PRKX: variants seen among roughly 807,000 people sequenced by gnomAD.
The protein encoded by PRKX is cAMP-dependent protein kinase catalytic subunit PRKX.
Under a neutral mutation model 22.0 loss-of-function variants are expected in PRKX, and 12 were observed. That is an observed-to-expected ratio of 0.54 (90% CI 0.35 to 0.88). The LOEUF (loss-of-function observed/expected upper bound fraction) is 0.88, where lower values mean the gene tolerates loss of function less well. Among genes scored for constraint, PRKX ranks in the 40% least tolerant of loss-of-function variants. The probability of loss-of-function intolerance (pLI) is 0.01; values close to 1 mark genes in which losing one functional copy is unlikely to be tolerated. For synonymous variants in PRKX, 134 were observed against 137.7 expected (o/e 0.97, Z 0.19); for missense variants, 217 against 308.0 (o/e 0.70, Z 2.21).
intron 1 of PRKX, among the ~76,000 whole-genome samples, chrX:3,704,448 C>A (rs1928642539): frequency 9.0e-6 from 1 of 111,315 alleles, no homozygotes; most frequent in African/African-American, 3.3e-5. Flanking sequence ...GAGGATCACT[C>A]GAGGCCAAGA....
chrX:3,702,887 G>C (rs1231482672), intron 1 of PRKX, among the ~76,000 whole-genome samples: 1 of 109,577 alleles, frequency 9.1e-6, no homozygotes, highest in Non-Finnish European at 1.9e-5. Flanking sequence ...GTAGCAGTGG[G>C]GTCTTCTTAT....
At chrX:3,712,973 G>A (rs1017299332) in intron 1 of PRKX, 115 bp downstream of exon 1, 5 of 887,940 alleles carry the variant, frequency 5.6e-6, no homozygotes, top group Non-Finnish European at 7.3e-6. Flanking sequence ...CCGAGCCGAA[G>A]TAGCGGGTCA....
chrX:3,635,112 C>G (rs1192997347), intron 4 of PRKX, among the ~76,000 whole-genome samples: 2 of 111,672 alleles, frequency 1.8e-5, no homozygotes, highest in Non-Finnish European at 3.8e-5. Flanking sequence ...TTTATGTATT[C>G]TGTTGGTTTA....
At chrX:3,609,492 T>C (rs1369010806) in intron 8 of PRKX, among the ~76,000 whole-genome samples, 1 of 110,811 alleles carries the variant, frequency 9.0e-6, no homozygotes, top group Non-Finnish European at 1.9e-5. Context: ...GGTCTAACTC[T>C]GCCATCCAGG....
chrX:3,679,073 T>C (rs1048306790), intron 1 of PRKX, among the ~76,000 whole-genome samples: 1 of 111,463 alleles, frequency 9.0e-6, no homozygotes, highest in African/African-American at 3.3e-5. Flanking sequence ...TCTTTTCTTT[T>C]AATTTTAGAT....
intron 2 of PRKX, among the ~76,000 whole-genome samples, chrX:3,669,046 G>A (rs1478006879): frequency 4.5e-5 from 5 of 111,819 alleles, no homozygotes; most frequent in Non-Finnish European, 9.4e-5. Flanking sequence ...CGGTTCCACC[G>A]CAGAGAATCC....
chrX:3,643,567 G>C (rs1283569808), intron 3 of PRKX, among the ~76,000 whole-genome samples: 1 of 110,664 alleles, frequency 9.0e-6, no homozygotes, highest in Middle Eastern at 4.6e-3. Context: ...GCACAAATGC[G>C]GGCCACATCC....
At chrX:3,656,276 A>G (rs1927479446) in intron 2 of PRKX, among the ~76,000 whole-genome samples, 1 of 111,509 alleles carries the variant, frequency 9.0e-6, no homozygotes, top group African/African-American at 3.3e-5. Flanking sequence ...ATGGGTGTAG[A>G]GAGATGTTAA....
At chrX:3,609,304 G>A (rs1935908816) in intron 8 of PRKX, among the ~76,000 whole-genome samples, 1 of 111,119 alleles carries the variant, frequency 9.0e-6, no homozygotes, top group African/African-American at 3.3e-5. Flanking sequence ...GGGGTTACAG[G>A]TGCCCGCCAC....
At chrX:3,675,053 T>C (rs1422496745) in intron 1 of PRKX, among the ~76,000 whole-genome samples, 10 of 111,723 alleles carry the variant, frequency 9.0e-5, no homozygotes, top group Non-Finnish European at 1.7e-4. Context: ...GGGGACAAAC[T>C]GGCCATAATT....
chrX:3,668,961 G>A (rs55921034), intron 2 of PRKX, among the ~76,000 whole-genome samples: 20,705 of 112,144 alleles, frequency 0.18, 2,500 homozygotes, highest in African/African-American at 0.45. Context: ...TGGCTGTCAC[G>A]CTGGAGTGGG....
Position 3,646,774 on chromosome X carries a change from G to C in PRKX, c.600-4803C>G, listed in dbSNP as rs751474765. ...ACAAACAGTTGAGAATTTCAGGCCC[G>C]TGAAGGGAGAAGGTGTGTGTTTGCG... On this transcript the variant is annotated intron_variant, in intron 3 of 8. Coordinates refer to ENST00000262848, the MANE Select transcript of PRKX (RefSeq NM_005044.5). 4.5e-5 allele frequency among the ~76,000 whole-genome samples: 5 copies of C among 110,488 alleles called. No individual in the cohort carries two copies. In the South Asian group the frequency reaches 2.0e-3, roughly 43 times the overall value.
chrX:3,663,868 G>T (rs1927664566), intron 2 of PRKX, among the ~76,000 whole-genome samples: 1 of 110,954 alleles, frequency 9.0e-6, no homozygotes, highest in South Asian at 3.8e-4. Flanking sequence ...TGGTCAAGTG[G>T]GCGCACACAT....
In PRKX at chrX:3,642,822, A is replaced by G. The variant is rs182623597; in HGVS notation, c.600-851T>C. 6.3e-3 allele frequency among the ~76,000 whole-genome samples: 680 copies of G among 107,833 alleles called. 7 individuals carry two copies. Among genetic ancestry groups the G allele is most frequent in the African/African-American group, 0.022 (649 of 29,524 alleles). 93.6% of individuals were successfully genotyped at this position (107,833 alleles called of 115,157 possible). On this transcript the variant is annotated intron_variant, in intron 3 of 8. Coordinates refer to ENST00000262848, the MANE Select transcript of PRKX (RefSeq NM_005044.5). ...AAGACCAGCCTGGCCAACATGGTGA[A>G]ACCCCATCTCTACTAAAAATACAAA...
At chrX:3,613,874 A>AAAAAAAAAAAAAAAAAAAAAAAAAC in intron 7 of PRKX, among the ~76,000 whole-genome samples, 1 of 91,147 alleles carries the variant, frequency 1.1e-5, no homozygotes. Context: ...AAAAAAAAAA[A>AAAAAAAAAAAAAAAAAAAAAAAAAC]AAAAAAGAAG....
At chrX:3,649,433 C>A (rs760689644) in intron 3 of PRKX, among the ~76,000 whole-genome samples, 3 of 100,616 alleles carry the variant, frequency 3.0e-5, no homozygotes, top group Non-Finnish European at 6.0e-5. Context: ...ACAATACAAA[C>A]GTAATATTGC....
At chrX:3,681,916 T>A (rs1275098875) in intron 1 of PRKX, among the ~76,000 whole-genome samples, 3 of 110,539 alleles carry the variant, frequency 2.7e-5, no homozygotes, top group South Asian at 7.9e-4. Flanking sequence ...ACGATGCCCA[T>A]TCATACTAAA....
At chrX:3,705,531 A>T (rs886578162) in intron 1 of PRKX, among the ~76,000 whole-genome samples, 1 of 111,153 alleles carries the variant, frequency 9.0e-6, no homozygotes, top group African/African-American at 3.3e-5. Context: ...TCACACAGAA[A>T]CATCGGTTCC....
intron 3 of PRKX, among the ~76,000 whole-genome samples, chrX:3,642,327 C>T (rs1411505394): frequency 9.1e-6 from 1 of 110,302 alleles, no homozygotes; most frequent in African/African-American, 3.3e-5. Context: ...GGAAAAAGAA[C>T]GAGATCATGT....
Sources: allele counts gnomAD v4.1 joint callset (sites outside exome capture counted in the v4.1 genomes callset), GRCh38; gene constraint gnomAD v4.1.1; transcripts MANE v1.5; gene names NCBI Gene and HGNC (gene_info 2026-07-23, HGNC 2026-07-21).